Variants in BRF1 observed in about 807,000 individuals in gnomAD.
BRF1 encodes BRF1 general transcription factor IIIB subunit, also known as transcription factor IIIB 90 kDa subunit.
A neutral mutation model predicts 81.7 loss-of-function variants in BRF1; 59 were observed. That is an observed-to-expected ratio of 0.72 (90% CI 0.59 to 0.90). The LOEUF (loss-of-function observed/expected upper bound fraction) is 0.90. Ranked by LOEUF, BRF1 falls within the 40% of genes least tolerant of loss-of-function variation. The pLI, the probability that BRF1 is intolerant of heterozygous loss-of-function variation, is 0.00. For synonymous variants in BRF1, 491 were observed against 395.6 expected, an observed-to-expected ratio of 1.24 and a Z score of -2.86; for missense variants, 1,050 against 936.3, an observed-to-expected ratio of 1.12 and a Z score of -1.58.
intron 4 of BRF1, among the ~76,000 whole-genome samples, chr14:105,255,986 A>C (rs1203114029): frequency 1.3e-5 from 2 of 152,002 alleles, no homozygotes; most frequent in Non-Finnish European, 2.9e-5. Flanking sequence ...ATAGCCGAGC[A>C]TGGTGGTGGG....
chr14:105,296,165 C>G (rs1165574371), intron 1 of BRF1, among the ~76,000 whole-genome samples: 1 of 151,172 alleles, frequency 6.6e-6, no homozygotes, highest in African/African-American at 2.4e-5. Context: ...GTAATCCCAG[C>G]ACTTTGGGAG....
chr14:105,308,979 CAAAAGAAAAA>C (rs1436476308), intron 1 of BRF1, among the ~76,000 whole-genome samples: 2 of 150,718 alleles, frequency 1.3e-5, no homozygotes, highest in Non-Finnish European at 3.0e-5. Flanking sequence ...GTCAAGAAAA[CAAAAGAAAAA>C]AAAAGAAAAA....
chr14:105,228,074 G>T (rs2054126416), intron 7 of BRF1: 1 of 152,158 alleles, frequency 6.6e-6, no homozygotes, highest in Admixed American at 6.5e-5. Flanking sequence ...GGCTTGCTAC[G>T]CCACTCATTT....
chr14:105,249,802 G>C, intron 5 of BRF1: 1 of 1,613,782 alleles, frequency 6.2e-7, no homozygotes, highest in South Asian at 1.1e-5. Flanking sequence ...CCCAGAGCCG[G>C]CTGTTTGAGG....
chr14:105,309,576 A>G lies in BRF1; in HGVS notation c.-162+5746T>C, dbSNP rs1030695668. 1.3e-5 allele frequency among the ~76,000 whole-genome samples: 2 copies of G among 152,184 alleles called. No individual in the cohort carries two copies. The highest frequency in any genetic ancestry group is 4.8e-5 in the African/African-American group (2 of 41,444). On this transcript the variant is annotated intron_variant, in intron 1 of 17. Coordinates refer to the BRF1 transcript ENST00000327359. This position sits in a 1 kb window ranked among gnomAD's most constrained non-coding sequence, Gnocchi z 4.0. ...GATGCCATGGGATACCCATGAGCCC[A>G]GGCAAATCTCCCAAGACGCTGCCAA...
chr14:105,262,784 G>A (rs933825553), intron 3 of BRF1, among the ~76,000 whole-genome samples: 26 of 152,212 alleles, frequency 1.7e-4, no homozygotes, highest in African/African-American at 6.3e-4. Context: ...AGGAGGAGCT[G>A]AGTGGCACGA....
intron 5 of BRF1, chr14:105,249,859 C>T (rs1395290117): frequency 6.2e-6 from 10 of 1,612,718 alleles, no homozygotes; most frequent in South Asian, 5.5e-5. Flanking sequence ...ACGCACAGGC[C>T]GAGATGGCCC....
chr14:105,300,073 C>G (rs988407058), intron 1 of BRF1, among the ~76,000 whole-genome samples: 1 of 152,240 alleles, frequency 6.6e-6, no homozygotes. Context: ...ACCACCAAGG[C>G]CAAGGGCAGC....
chr14:105,272,647 A>G, intron 3 of BRF1, 74 bp downstream of exon 3: 1 of 1,489,860 alleles, frequency 6.7e-7, no homozygotes, highest in Non-Finnish European at 9.0e-7. Flanking sequence ...GCAACTACCA[A>G]GTCCCAATAT....
At chr14:105,275,392 G>A (rs1394103296) in intron 2 of BRF1, among the ~76,000 whole-genome samples, 3 of 152,230 alleles carry the variant, frequency 2.0e-5, no homozygotes, top group Non-Finnish European at 4.4e-5. Context: ...TGTCCCCAGA[G>A]CTGAGGCCTG....
intron 5 of BRF1, among the ~76,000 whole-genome samples, chr14:105,246,264 G>A (rs1473593428): frequency 4.6e-5 from 7 of 151,672 alleles, no homozygotes; most frequent in East Asian, 1.9e-4. Flanking sequence ...CTCCAAACAC[G>A]CCATGCAAAT....
intron 1 of BRF1, among the ~76,000 whole-genome samples, chr14:105,298,159 C>T (rs1449511672): frequency 1.3e-5 from 2 of 152,182 alleles, no homozygotes; most frequent in African/African-American, 2.4e-5. Context: ...AATCAGAAAA[C>T]TCTGGTATCC....
At chr14:105,285,138 A>G (rs946666430) in intron 2 of BRF1, among the ~76,000 whole-genome samples, 1 of 152,236 alleles carries the variant, frequency 6.6e-6, no homozygotes, top group Admixed American at 6.5e-5. Flanking sequence ...ATCCCAGCTG[A>G]CTTCTTGGCA....
At chr14:105,291,875 G>A (rs940703662) in intron 1 of BRF1, among the ~76,000 whole-genome samples, 5 of 152,144 alleles carry the variant, frequency 3.3e-5, no homozygotes, top group Non-Finnish European at 7.4e-5. Flanking sequence ...GCACATGCCT[G>A]TAATACCAGC....
chr14:105,275,554 G>A (rs931193495), intron 2 of BRF1, among the ~76,000 whole-genome samples: 4 of 152,236 alleles, frequency 2.6e-5, no homozygotes, highest in Non-Finnish European at 4.4e-5. Flanking sequence ...CAGGGGACCC[G>A]CTGAAGCTAC....
intron 10 of BRF1, among the ~76,000 whole-genome samples, chr14:105,222,846 T>C (rs78798804): frequency 6.6e-6 from 1 of 152,168 alleles, no homozygotes; most frequent in South Asian, 2.1e-4. Flanking sequence ...GCCAGGATGG[T>C]CTTGATCTCC....
intron 5 of BRF1, 82 bp downstream of exon 5, chr14:105,252,425 C>T: frequency 1.3e-6 from 2 of 1,539,364 alleles, no homozygotes; most frequent in Non-Finnish European, 1.7e-6. Flanking sequence ...ACAGGATTTC[C>T]CTCCACTGTT....
Position 105,256,505 on chromosome 14 carries a change from G to A in BRF1, c.471+13C>T, listed in dbSNP as rs773166908. On this transcript the variant is annotated intron_variant, in intron 4 of 17. Transcript: ENST00000547530. ...CCCCAGGTGGGGAAAGATGCAGGAC[G>A]GAGGCTGTCTACCTGGAGCAGGTCG... 3.7e-6 allele frequency: 6 copies of A among 1,614,036 alleles called. No homozygotes were observed. The highest frequency in any genetic ancestry group is 1.1e-5 in the South Asian group (1 of 91,084).
In BRF1 at chr14:105,217,661, C is replaced by T. The variant is rs1193416914; in HGVS notation, c.1655G>A (p.Gly552Asp). The T allele has an allele frequency of 1.9e-6, 3 of 1,613,272 alleles. No individual in the cohort carries two copies. The highest frequency in any genetic ancestry group is 2.5e-6 in the Non-Finnish European group (3 of 1,180,014). Reference protein sequence around the residue: ...VLRGLSSAGGGSPHREDAQPE... With the variant: ...VLRGLSSAGGDSPHREDAQPE... ...CTGTGCATCCTCCCTGTGCGGACTG[C>T]CCCCGCCGGCGCTGCTGAGGCCCCG... Residue 552 changes from glycine to aspartate, a missense_variant, in exon 15 of 18, where the codon GGC (glycine) becomes GAC (aspartate). By Grantham distance (94) the Gly-to-Asp change is moderately conservative. Transcript: ENST00000547530.
Sources: allele counts gnomAD v4.1 joint callset (sites outside exome capture counted in the v4.1 genomes callset), GRCh38; gene constraint gnomAD v4.1.1; non-coding constraint Gnocchi (gnomAD v3.1); transcripts MANE v1.5; gene names NCBI Gene and HGNC (gene_info 2026-07-23, HGNC 2026-07-21).